The following PAWR variants were observed in gnomAD, a reference collection of about 807,000 sequenced individuals.
The protein encoded by PAWR is pro-apoptotic WT1 regulator.
In PAWR, 23 loss-of-function variants were observed where a neutral mutation model predicts 32.0. That is an observed-to-expected ratio of 0.72 (90% CI 0.52 to 1.02). The LOEUF is 1.02. Among genes scored for constraint, PAWR ranks in the 50% least tolerant of loss-of-function variants. The pLI is 0.00. For missense variants in PAWR, 457 were observed against 437.7 expected (o/e 1.04, Z -0.39); for synonymous variants, 226 against 187.1 (o/e 1.21, Z -1.70).
rs1296459126 is a variant in PAWR, at chr12:79,588,839, G to A, written c.*3768C>T. The A allele has an allele frequency of 1.3e-5, 2 of 151,982 alleles. No individual in the cohort carries two copies. The highest frequency in any genetic ancestry group is 2.9e-5 in the Non-Finnish European group (2 of 67,862). 9.4% of individuals were successfully genotyped at this position (151,982 alleles called of 1,614,324 possible). On this transcript the variant is annotated 3_prime_UTR_variant, in exon 7 of 7. Coordinates refer to ENST00000328827, the MANE Select transcript of PAWR (RefSeq NM_002583.4). ...AATATGGACTCAGATTTTCTTAGGA[G>A]ATATTAGTTCAAGTTTTTAAACTGG...
chr12:79,651,967 A>G (rs1404143108), intron 2 of PAWR, among the ~76,000 whole-genome samples: 3 of 152,196 alleles, frequency 2.0e-5, no homozygotes, highest in African/African-American at 7.2e-5. Context: ...ACCTTTGAAG[A>G]CATTATGCTA....
chr12:79,621,659 G>A (rs1875023361), intron 2 of PAWR, among the ~76,000 whole-genome samples: 1 of 152,028 alleles, frequency 6.6e-6, no homozygotes. Flanking sequence ...TATATTCTAT[G>A]AGCATATAAA....
chr12:79,647,443 G>A (rs1051109670), intron 2 of PAWR, among the ~76,000 whole-genome samples: 6 of 152,044 alleles, frequency 3.9e-5, no homozygotes, highest in Admixed American at 1.3e-4. Flanking sequence ...TGCTTTTTCA[G>A]GGAAATTTTC....
chr12:79,649,433 G>A (rs2136792635), intron 2 of PAWR, among the ~76,000 whole-genome samples: 1 of 151,944 alleles, frequency 6.6e-6, no homozygotes, highest in Admixed American at 6.6e-5. Flanking sequence ...ATACATGTAT[G>A]TTAGGATATT....
At chr12:79,657,482 C>T (rs1486469319) in intron 2 of PAWR, among the ~76,000 whole-genome samples, 1 of 151,750 alleles carries the variant, frequency 6.6e-6, no homozygotes, top group Non-Finnish European at 1.5e-5. Context: ...GTTGAGATTG[C>T]TGAGAAATCC....
At chr12:79,678,209 G>A (rs1485038567) in intron 2 of PAWR, among the ~76,000 whole-genome samples, 3 of 152,250 alleles carry the variant, frequency 2.0e-5, no homozygotes, top group Non-Finnish European at 4.4e-5. Context: ...TTCAAATTAG[G>A]CAGACAAAAC....
chr12:79,612,845 T>A (rs2136698235), intron 4 of PAWR, among the ~76,000 whole-genome samples: 1 of 152,274 alleles, frequency 6.6e-6, no homozygotes, highest in Middle Eastern at 3.4e-3. Context: ...CAATTCTGAT[T>A]TTCTTCCTAT....
At chr12:79,681,530 T>C (rs996023649) in intron 2 of PAWR, among the ~76,000 whole-genome samples, 10 of 152,204 alleles carry the variant, frequency 6.6e-5, no homozygotes, top group East Asian at 1.9e-4. Flanking sequence ...AAAATACTCA[T>C]GATGAGTGGT....
Position 79,690,154 on chromosome 12 carries a change from G to T in PAWR, c.91C>A (p.Arg31Ser). 1 of 1,525,428 alleles carries T rather than the reference G, an allele frequency of 6.6e-7. No homozygotes were observed. The highest frequency in any genetic ancestry group is 8.8e-7 in the Non-Finnish European group (1 of 1,139,498). The allele number at this position is 1,525,428 out of a possible 1,614,324, so 94.5% of individuals were successfully genotyped here. ...EEWKAKREKM[R>S]AKQNPPGPAP... ...GGGCCCGGGGGGTTCTGCTTGGCGC[G>T]CATCTTCTCGCGTTTCGCCTTCCAC... The change falls in exon 2 of 7, where the codon CGC becomes AGC. Residue 31 changes from arginine to serine, a missense_variant. Transcript: ENST00000328827.
chr12:79,686,340 A>G (rs1429481540), intron 2 of PAWR, among the ~76,000 whole-genome samples: 10 of 152,268 alleles, frequency 6.6e-5, no homozygotes, highest in African/African-American at 2.4e-4. Context: ...GCACTAAGCT[A>G]TACTTACTAC....
At chr12:79,602,924 G>A (rs1377847186) in intron 4 of PAWR, among the ~76,000 whole-genome samples, 2 of 151,908 alleles carry the variant, frequency 1.3e-5, no homozygotes, top group African/African-American at 4.8e-5. Flanking sequence ...TACACAAAAC[G>A]AAAAGAGAAT....
intron 2 of PAWR, among the ~76,000 whole-genome samples, chr12:79,667,766 T>C (rs1027548023): frequency 3.3e-5 from 5 of 152,152 alleles, no homozygotes; most frequent in Non-Finnish European, 5.9e-5. Context: ...TATCCAGTAT[T>C]GCCTCAAAAC....
intron 2 of PAWR, among the ~76,000 whole-genome samples, chr12:79,646,744 G>A (rs1346161594): frequency 6.6e-6 from 1 of 151,996 alleles, no homozygotes; most frequent in Non-Finnish European, 1.5e-5. Flanking sequence ...AATACAATTA[G>A]GTAGTACACA....
intron 2 of PAWR, among the ~76,000 whole-genome samples, chr12:79,664,225 AC>A (rs1219659897): frequency 6.6e-6 from 1 of 152,150 alleles, no homozygotes; most frequent in Non-Finnish European, 1.5e-5. Context: ...CTGCAACTAG[AC>A]CCCAACTTTT....
intron 2 of PAWR, among the ~76,000 whole-genome samples, chr12:79,672,248 C>T (rs1327359786): frequency 6.6e-6 from 1 of 152,120 alleles, no homozygotes; most frequent in Non-Finnish European, 1.5e-5. Context: ...CAAGTACTTC[C>T]TCTGCTTCAA....
At chr12:79,673,559 C>A (rs1049832350) in intron 2 of PAWR, among the ~76,000 whole-genome samples, 1 of 152,116 alleles carries the variant, frequency 6.6e-6, no homozygotes, top group African/African-American at 2.4e-5. Context: ...CTTATTGTGC[C>A]CCTCAGTGAC....
chr12:79,674,924 T>C (rs1392623732), intron 2 of PAWR, among the ~76,000 whole-genome samples: 3 of 152,166 alleles, frequency 2.0e-5, no homozygotes, highest in Non-Finnish European at 4.4e-5. Context: ...GTTGGTGAGG[T>C]TGCAGAGAAA....
rs575855753 is a variant in PAWR, at chr12:79,598,872, G to T, written c.684-2214C>A. 6.3e-4 allele frequency among the ~76,000 whole-genome samples: 96 copies of T among 152,286 alleles called. 2 individuals carry two copies. In the South Asian group the frequency reaches 0.017, roughly 28 times the overall value. ...CTGCCTCAGCCTCCTGAGTAGCTGG[G>T]ATTACAGGCGCCTGCCACCATGCCC... On this transcript the variant is annotated intron_variant, in intron 4 of 6. Coordinates refer to ENST00000328827, the MANE Select transcript of PAWR (RefSeq NM_002583.4).
Position 79,645,913 on chromosome 12 carries a change from G to C in PAWR, c.517-24706C>G, listed in dbSNP as rs529030758. 3.9e-5 allele frequency among the ~76,000 whole-genome samples: 6 copies of C among 152,260 alleles called. 1 individual carries two copies. In the South Asian group the frequency reaches 1.2e-3, roughly 32 times the overall value. On this transcript the variant is annotated intron_variant, in intron 2 of 6. Coordinates refer to ENST00000328827, the MANE Select transcript of PAWR (RefSeq NM_002583.4). ...CCAGGATTCACAATTAAGAACATGT[G>C]TTTTGGAATCAGGTTCTGTCACCAT...
Sources: gnomAD v4.1 joint callset for allele counts (sites outside exome capture counted in the v4.1 genomes callset) on GRCh38, gnomAD v4.1.1 for gene constraint, MANE v1.5 for transcripts, NCBI Gene and HGNC (gene_info 2026-07-23, HGNC 2026-07-21) for gene names.